PRKCA: variants seen among roughly 807,000 people sequenced by gnomAD.
The protein encoded by PRKCA is protein kinase C alpha type.
In PRKCA, 27 loss-of-function variants were observed where a neutral mutation model predicts 87.0. The observed-to-expected ratio is 0.31, with a 90% CI of 0.23 to 0.43. The LOEUF is 0.43. PRKCA is among the 20% of genes least tolerant of loss of function. The probability of loss-of-function intolerance (pLI) is 1.00; values close to 1 mark genes in which losing one functional copy is unlikely to be tolerated. For synonymous variants in PRKCA, 329 were observed against 311.1 expected, an observed-to-expected ratio of 1.06 and a Z score of -0.61; for missense variants, 518 against 852.3, an observed-to-expected ratio of 0.61 and a Z score of 4.88.
At chr17:66,456,692 G>C (rs777248757) in intron 2 of PRKCA, among the ~76,000 whole-genome samples, 60 of 152,196 alleles carry the variant, frequency 3.9e-4, no homozygotes, top group Non-Finnish European at 6.8e-4. Flanking sequence ...GAATGAAATA[G>C]ATGGCAGAAA....
intron 8 of PRKCA, among the ~76,000 whole-genome samples, chr17:66,721,845 C>T (rs1973623940): frequency 6.6e-6 from 1 of 152,124 alleles, no homozygotes; most frequent in Non-Finnish European, 1.5e-5. Flanking sequence ...AATGCCTGAC[C>T]TCCCAGGAGT....
chr17:66,574,444 T>G (rs1470373028), intron 3 of PRKCA, among the ~76,000 whole-genome samples: 2 of 152,134 alleles, frequency 1.3e-5, no homozygotes, highest in Non-Finnish European at 2.9e-5. Context: ...AAGATTACAA[T>G]GTAATTTAAT....
chr17:66,663,440 A>G (rs552368935), intron 5 of PRKCA, among the ~76,000 whole-genome samples: 9 of 152,340 alleles, frequency 5.9e-5, no homozygotes, highest in Admixed American at 2.6e-4. Flanking sequence ...GGTTTAGTCT[A>G]TTTTAAGCAC....
At chr17:66,727,224 A>G (rs67011216) in intron 8 of PRKCA, among the ~76,000 whole-genome samples, 5,267 of 152,252 alleles carry the variant, frequency 0.035, 322 homozygotes, top group African/African-American at 0.12. Flanking sequence ...GATTTATTGC[A>G]AAGTGACCAG....
At chr17:66,591,071 C>G (rs538825996) in intron 3 of PRKCA, among the ~76,000 whole-genome samples, 7 of 152,266 alleles carry the variant, frequency 4.6e-5, no homozygotes, top group Admixed American at 1.3e-4. Flanking sequence ...CCGCATTTTC[C>G]ACATCTGTGA....
intron 3 of PRKCA, among the ~76,000 whole-genome samples, chr17:66,630,750 T>C (rs75620286): frequency 3.9e-5 from 6 of 152,316 alleles, no homozygotes; most frequent in Admixed American, 3.9e-4. Flanking sequence ...GACGGTTTCA[T>C]TGGGCATCAC....
chr17:66,320,103 T>A (rs1905565148), intron 2 of PRKCA, among the ~76,000 whole-genome samples: 1 of 152,192 alleles, frequency 6.6e-6, no homozygotes, highest in South Asian at 2.1e-4. Context: ...AATCCTGTTG[T>A]CATAGGGTCA....
chr17:66,402,971 G>A lies in PRKCA; in HGVS notation c.206-93230G>A, dbSNP rs541846843. 9.9e-5 allele frequency among the ~76,000 whole-genome samples: 15 copies of A among 152,284 alleles called. No homozygotes were observed. In the South Asian group the frequency reaches 2.1e-3, roughly 21 times the overall value. ...TGCCTCCTGCAAGAACAGTGGTTTT[G>A]GTTTCTTTTCTGCACAAGGTGGTCC... is the stretch of plus-strand genomic sequence containing the variant. On this transcript the variant is annotated intron_variant, in intron 2 of 16. Coordinates refer to ENST00000413366, the MANE Select transcript of PRKCA (RefSeq NM_002737.3).
At chr17:66,435,187 G>A (rs1023894863) in intron 2 of PRKCA, among the ~76,000 whole-genome samples, 4 of 152,200 alleles carry the variant, frequency 2.6e-5, no homozygotes, top group Admixed American at 1.3e-4. Flanking sequence ...AGGGGCTAGT[G>A]CTGCATCCAG....
At chr17:66,645,336 G>A (rs1971422276) in intron 4 of PRKCA, 47 bp from the exon 5 acceptor site, 3 of 1,612,780 alleles carry the variant, frequency 1.9e-6, no homozygotes, top group East Asian at 2.2e-5. Flanking sequence ...AGGAGCGGTG[G>A]TTGGAGTCCA....
At chr17:66,527,281 T>A (rs1289990745) in intron 3 of PRKCA, among the ~76,000 whole-genome samples, 1 of 152,128 alleles carries the variant, frequency 6.6e-6, no homozygotes, top group African/African-American at 2.4e-5. Context: ...TGTGTTTTTA[T>A]AAAATAGGTA....
intron 14 of PRKCA, among the ~76,000 whole-genome samples, chr17:66,781,523 C>T (rs1023587723): frequency 3.9e-5 from 6 of 152,158 alleles, no homozygotes; most frequent in Non-Finnish European, 7.3e-5. Flanking sequence ...CACAGCAGGA[C>T]CCAGCCTATC....
At chr17:66,774,367 T>G (rs1975002658) in intron 14 of PRKCA, 6 of 1,174,250 alleles carry the variant, frequency 5.1e-6, no homozygotes, top group Non-Finnish European at 5.3e-6. Context: ...ATGGCTATAA[T>G]CCCAGCACTT....
chr17:66,405,045 C>T (rs1046682165), intron 2 of PRKCA, among the ~76,000 whole-genome samples: 5 of 151,990 alleles, frequency 3.3e-5, no homozygotes, highest in African/African-American at 9.7e-5. Flanking sequence ...CCACTGCGCC[C>T]GGCCAAGAGA....
intron 3 of PRKCA, among the ~76,000 whole-genome samples, chr17:66,532,585 C>T (rs1044869837): frequency 6.6e-6 from 1 of 151,950 alleles, no homozygotes. Context: ...TCTTGAACTC[C>T]TGACCTCAGG....
At chr17:66,717,493 TCA>T (rs1973507750) in intron 8 of PRKCA, among the ~76,000 whole-genome samples, 1 of 152,230 alleles carries the variant, frequency 6.6e-6, no homozygotes, top group African/African-American at 2.4e-5. Flanking sequence ...CCCCCTGGGC[TCA>T]TTCTCCTCAT....
chr17:66,502,155 G>A (rs923219484), intron 3 of PRKCA, among the ~76,000 whole-genome samples: 1 of 152,154 alleles, frequency 6.6e-6, no homozygotes, highest in Non-Finnish European at 1.5e-5. Flanking sequence ...GGGGTCTGGG[G>A]GCCTCCCATT....
At chr17:66,512,702 A>AC (rs144736504) in intron 3 of PRKCA, among the ~76,000 whole-genome samples, 1 of 151,554 alleles carries the variant, frequency 6.6e-6, no homozygotes, top group Non-Finnish European at 1.5e-5. Context: ...TTTAGATCAT[A>AC]CCCCCCTTGT....
chr17:66,773,073 C>T (rs902097790), intron 13 of PRKCA, among the ~76,000 whole-genome samples: 6 of 152,022 alleles, frequency 3.9e-5, no homozygotes, highest in African/African-American at 1.2e-4. Context: ...TCAAGTGATC[C>T]TCCTGCCTCA....
Sources: gnomAD v4.1 joint callset for allele counts (sites outside exome capture counted in the v4.1 genomes callset) on GRCh38, gnomAD v4.1.1 for gene constraint, MANE v1.5 for transcripts, NCBI Gene and HGNC (gene_info 2026-07-23, HGNC 2026-07-21) for gene names.